RSRP1: variants seen among roughly 807,000 people sequenced by gnomAD.
The protein encoded by RSRP1 is arginine and serine rich protein 1.
RSRP1 carries 37 observed loss-of-function variants against 33.0 expected under a neutral mutation model. The ratio of observed to expected loss-of-function variants is 1.12; its 90% CI spans 0.86 to 1.48. The LOEUF (loss-of-function observed/expected upper bound fraction) is 1.48. Among genes scored for constraint, RSRP1 ranks in the 40% most tolerant of loss-of-function variants. The pLI is 0.00. For missense variants in RSRP1, 402 were observed against 385.3 expected (o/e 1.04, Z -0.36); for synonymous variants, 167 against 158.7 (o/e 1.05, Z -0.40).
intron 2 of RSRP1, among the ~76,000 whole-genome samples, chr1:25,245,678 C>A (rs1024561331): frequency 3.3e-5 from 5 of 152,194 alleles, no homozygotes; most frequent in African/African-American, 1.2e-4. Context: ...GAATAAAATT[C>A]TTAAATTATC....
chr1:25,312,920 TAAAAAAAAAAAAAAAAAAAAAAA>T lies in RSRP1; in HGVS notation c.-67+25035_-67+25057del, dbSNP rs58027687. Among the ~76,000 whole-genome samples, 4 of 6,850 alleles carry T rather than the reference TAAAAAAAAAAAAAAAAAAAAAAA, an allele frequency of 5.8e-4. 1 individual carries two copies. The highest frequency in any genetic ancestry group is 4.4e-3 in the East Asian group (1 of 228). The allele number at this position is 6,850 out of a possible 152,430, so 4.5% of individuals were successfully genotyped here. A position where few individuals can be genotyped will look rare whatever the true frequency, so the allele number is the denominator to read the frequency against. On this transcript the variant is annotated intron_variant, in intron 1 of 1. Transcript: ENST00000561867. ...GGATGATAGAGCAAAATCCCATCTC[TAAAAAAAAAAAAAAAAAAAAAAA>T]AAAAAAAAAAAACTTTAGTGCTATT...
chr1:25,263,337 C>T (rs1007767418), intron 1 of RSRP1, among the ~76,000 whole-genome samples: 39 of 151,706 alleles, frequency 2.6e-4, no homozygotes, highest in Admixed American at 1.3e-3. Context: ...TTCACAAACC[C>T]GAGACTAGGC....
At position 25,318,939 on chromosome 1, in the gene RSRP1, T is replaced by G. The variant is rs113887540; in HGVS notation, c.-67+19039A>C. 3.7e-5 allele frequency among the ~76,000 whole-genome samples: 5 copies of G among 133,474 alleles called. No individual in the cohort carries two copies. In the East Asian group the frequency reaches 5.8e-4, roughly 16 times the overall value. 87.6% of individuals were successfully genotyped at this position (133,474 alleles called of 152,430 possible). A position where few individuals can be genotyped will look rare whatever the true frequency, so the allele number is the denominator to read the frequency against. On this transcript the variant is annotated intron_variant, in intron 1 of 1. Transcript: ENST00000561867. ...TATACCATGTCTGGCCTTAGCTTTTTGCAGAGTCTTTGTGAAGAAGCAGAG... is the reference window on the plus strand; with the variant it reads ...TATACCATGTCTGGCCTTAGCTTTTGGCAGAGTCTTTGTGAAGAAGCAGAG...
upstream of RSRP1, among the ~76,000 whole-genome samples, chr1:25,252,217 C>G (rs1389766595): frequency 6.6e-6 from 1 of 150,808 alleles, no homozygotes; most frequent in East Asian, 1.9e-4. Context: ...GCACATGCAC[C>G]ACAGCTGGCT....
chr1:25,290,700 G>C, intron 1 of RSRP1: 1 of 1,378,028 alleles, frequency 7.3e-7, no homozygotes, highest in Non-Finnish European at 1.0e-6. Context: ...GCTGTCTTGG[G>C]GAAGGTCAAC....
chr1:25,315,000 C>T (rs539216120), intron 1 of RSRP1, among the ~76,000 whole-genome samples: 1 of 129,460 alleles, frequency 7.7e-6, no homozygotes, highest in Non-Finnish European at 1.8e-5. Context: ...GTCAAGAGAT[C>T]GAGATCATCC....
intron 1 of RSRP1, chr1:25,272,402 G>C: frequency 8.6e-7 from 1 of 1,164,084 alleles, no homozygotes; most frequent in South Asian, 1.3e-5. Context: ...TAACTCCATA[G>C]AGAGGCCAGC....
chr1:25,268,587 A>C lies in RSRP1; in HGVS notation c.-66-21558T>G, dbSNP rs1381846529. On this transcript the variant is annotated intron_variant, in intron 1 of 1. Transcript: ENST00000561867. The stretch of plus-strand genomic sequence containing the variant: ...GCTAGTAAGTGCTGTGAAGGAAACT[A>C]AAAGGGGAACACAAGGAACCCTTGT... Among the ~76,000 whole-genome samples the C allele has an allele frequency of 5.3e-5, 7 of 131,364 alleles. 2 individuals are homozygous for C. Among genetic ancestry groups the C allele is most frequent in the African/African-American group, 1.3e-4 (5 of 38,480 alleles). The allele number at this position is 131,364 out of a possible 152,430, so 86.2% of individuals were successfully genotyped here.
At position 25,243,637 on chromosome 1, in the gene RSRP1, G is replaced by C. The variant is rs776980934; in HGVS notation, c.673-4C>G. ...CTTCTGTTACCTTTTCCGACAGCTA[G>C]ACAGGTTAAGAAAAAGTGTAATTTT... On this transcript the variant is annotated splice_polypyrimidine_tract_variant and splice_region_variant and intron_variant, in intron 3 of 4. Coordinates refer to ENST00000243189, the MANE Select transcript of RSRP1 (RefSeq NM_020317.5). 11 of 1,613,382 alleles carry C rather than the reference G, an allele frequency of 6.8e-6. No homozygotes were observed. The highest frequency in any genetic ancestry group is 1.7e-4 in the Middle Eastern group (1 of 6,048).
chr1:25,280,224 A>G lies in RSRP1; in HGVS notation c.-66-33195T>C, dbSNP rs1362589982. ...TTGGGGAGGAAGGCCCTGAGCGCGTATACCTGGAATCAGGGAATCGGGATC... is the reference window on the plus strand; with the variant it reads ...TTGGGGAGGAAGGCCCTGAGCGCGTGTACCTGGAATCAGGGAATCGGGATC... On this transcript the variant is annotated intron_variant, in intron 1 of 1. Transcript: ENST00000561867. Among the ~76,000 whole-genome samples, 2 of 128,168 alleles carry G rather than the reference A, an allele frequency of 1.6e-5. 1 individual carries two copies. Among genetic ancestry groups the G allele is most frequent in the Non-Finnish European group, 3.7e-5 (2 of 54,766 alleles). The allele number at this position is 128,168 out of a possible 152,430, so 84.1% of individuals were successfully genotyped here. A position where few individuals can be genotyped will look rare whatever the true frequency, so the allele number is the denominator to read the frequency against.
rs1402027979 is a variant in RSRP1, at chr1:25,246,725, G to T, written c.239C>A (p.Ser80Ter). ...GGATCGCGACCGGCTCCGCGAGTAT[G>T]ACCGCGAGTAGCGCCTGTACTTCCG... ...HQRKYRRYSR[S>*]YSRSRSRSRS... The change falls in exon 2 of 5, where the codon TCA (serine) becomes TAA (stop). Residue 80 changes from serine (S) to a stop codon, truncating the protein, a stop_gained. Coordinates refer to ENST00000243189, the MANE Select transcript of RSRP1 (RefSeq NM_020317.5). LOFTEE classifies it high-confidence loss of function. The T allele has an allele frequency of 6.2e-7, 1 of 1,607,424 alleles. No individual in the cohort carries two copies. Among genetic ancestry groups the T allele is most frequent in the Non-Finnish European group, 8.5e-7 (1 of 1,175,284 alleles).
chr1:25,301,785 G>C lies in RSRP1; in HGVS notation c.-67+36193C>G, dbSNP rs1405915141. 3 of 907,942 alleles carry C rather than the reference G, an allele frequency of 3.3e-6. No individual in the cohort carries two copies. The Admixed American group carries it at 5.6e-5, about 17-fold the overall frequency. The allele number at this position is 907,942 out of a possible 1,614,324, so 56.2% of individuals were successfully genotyped here. A position where few individuals can be genotyped will look rare whatever the true frequency, so the allele number is the denominator to read the frequency against. ...CCCAGGGCCAGCGTGGGTTGGGAGA[G>C]GGCATGCCGGGTGGTGGAGCTGTGC... On this transcript the variant is annotated intron_variant, in intron 1 of 1. Coordinates refer to the RSRP1 transcript ENST00000561867.
chr1:25,261,705 ATTTTTT>A (rs376795548), intron 1 of RSRP1, among the ~76,000 whole-genome samples: 1 of 93,690 alleles, frequency 1.1e-5, no homozygotes, highest in Non-Finnish European at 2.1e-5. Context: ...CGCCCAGCAG[ATTTTTT>A]TTTTTTTTTT....
chr1:25,271,582 C>T (rs1430910011), intron 1 of RSRP1, among the ~76,000 whole-genome samples: 1 of 132,848 alleles, frequency 7.5e-6, no homozygotes, highest in Non-Finnish European at 1.8e-5. Context: ...ACATCCCTCT[C>T]TCTCTTCCTT....
intron 1 of RSRP1, among the ~76,000 whole-genome samples, chr1:25,256,229 A>G (rs912403479): frequency 2.0e-5 from 3 of 147,592 alleles, no homozygotes; most frequent in African/African-American, 7.6e-5. Flanking sequence ...ATCCTAGCTC[A>G]CTGCAGCCTC....
In RSRP1 at chr1:25,331,564, ATT is replaced by A. The variant is rs71014354; in HGVS notation, c.-67+6412_-67+6413del. 9.4e-5 allele frequency among the ~76,000 whole-genome samples: 7 copies of A among 74,346 alleles called. 2 individuals carry two copies. Among genetic ancestry groups the A allele is most frequent in the African/African-American group, 3.1e-4 (7 of 22,844 alleles). The allele number at this position is 74,346 out of a possible 152,430, so 48.8% of individuals were successfully genotyped here. ...AAGACTTTGCTCTGAGAAAAATGTG[ATT>A]TTTTTTTTTTTTTTTTTTTGAGACA... On this transcript the variant is annotated intron_variant, in intron 1 of 1. Transcript: ENST00000561867.
In RSRP1 at chr1:25,332,292, C is replaced by G. The variant is rs1398693407; in HGVS notation, c.-67+5686G>C. On this transcript the variant is annotated intron_variant, in intron 1 of 1. Coordinates refer to the RSRP1 transcript ENST00000561867. ...CCTCAAGTGATCCTCCTGCCTCGGC[C>G]TTCCAAAGTGCTGGGATTACAGGTG... is the stretch of plus-strand genomic sequence containing the variant. Among the ~76,000 whole-genome samples the G allele has an allele frequency of 1.5e-5, 2 of 130,778 alleles. 1 individual carries two copies. The highest frequency in any genetic ancestry group is 3.6e-5 in the Non-Finnish European group (2 of 55,396). 85.8% of individuals were successfully genotyped at this position (130,778 alleles called of 152,430 possible). A position where few individuals can be genotyped will look rare whatever the true frequency, so the allele number is the denominator to read the frequency against.
rs1643430591 is a variant in RSRP1 at position 25,302,047 on chromosome 1, A to G, written c.-67+35931T>C. Among the ~76,000 whole-genome samples, 3 of 130,684 alleles carry G rather than the reference A, an allele frequency of 2.3e-5. 1 individual carries two copies. The highest frequency in any genetic ancestry group is 3.6e-5 in the Non-Finnish European group (2 of 55,204). 85.7% of individuals were successfully genotyped at this position (130,684 alleles called of 152,430 possible). A position where few individuals can be genotyped will look rare whatever the true frequency, so the allele number is the denominator to read the frequency against. On this transcript the variant is annotated intron_variant, in intron 1 of 1. Transcript: ENST00000561867. ...TTAGCCAGCCTCTCTCTTCCCCCCA[A>G]CAAATTTCAAGAATGGAACCATCAG...
Position 25,245,153 on chromosome 1 carries a change from A to G in RSRP1, c.669T>C (p.Pro223=), listed in dbSNP as rs778040284. ...GIGVSSNGAK[P]ELSEKVTEDG... is the part of the protein sequence containing the mutation. ...CCGACAAACCTAGAATACTTACTTC[A>G]GGCTTTGCACCATTACTTGATACAC... The change falls in exon 3 of 5, where the codon CCT becomes CCC. Residue 223 remains proline (P), a synonymous_variant. Transcript: ENST00000243189. 6.2e-7 allele frequency: 1 copy of G among 1,614,212 alleles called. No homozygotes were observed. Among genetic ancestry groups the G allele is most frequent in the South Asian group, 1.1e-5 (1 of 91,088 alleles).
Sources: allele counts gnomAD v4.1 joint callset (sites outside exome capture counted in the v4.1 genomes callset), GRCh38; gene constraint gnomAD v4.1.1; transcripts MANE v1.5; gene names NCBI Gene and HGNC (gene_info 2026-07-23, HGNC 2026-07-21).